ZBTB46: variants seen among roughly 807,000 people sequenced by gnomAD.
ZBTB46 encodes the protein zinc finger and BTB domain-containing protein 46.
In ZBTB46, 8 loss-of-function variants were observed where a neutral mutation model predicts 44.1. The observed-to-expected ratio is 0.18, with a 90% CI of 0.11 to 0.33. The LOEUF is 0.33. ZBTB46 is among the 10% of genes least tolerant of loss of function. ZBTB46 has a pLI of 1.00. For missense variants in ZBTB46, 651 were observed against 847.7 expected (o/e 0.77, Z 2.88); for synonymous variants, 409 against 382.3 (o/e 1.07, Z -0.81).
chr20:63,822,587 A>G (rs2092798296), intron 1 of ZBTB46, among the ~76,000 whole-genome samples: 2 of 152,216 alleles, frequency 1.3e-5, no homozygotes, highest in African/African-American at 4.8e-5. Flanking sequence ...ACATGTCCAC[A>G]GGAAGATGCA....
At chr20:63,808,609 C>T (rs1161630689) in intron 1 of ZBTB46, among the ~76,000 whole-genome samples, 1 of 152,150 alleles carries the variant, frequency 6.6e-6, no homozygotes, top group Non-Finnish European at 1.5e-5. Flanking sequence ...GGGTGGGAGG[C>T]GGACAGAGCC....
intron 1 of ZBTB46, among the ~76,000 whole-genome samples, chr20:63,808,860 C>T (rs1187519357): frequency 1.3e-5 from 2 of 151,506 alleles, no homozygotes; most frequent in African/African-American, 4.8e-5. Flanking sequence ...GCCTGCAGTC[C>T]CAGCTACTCG....
At chr20:63,781,117 G>A (rs1490065094) in intron 2 of ZBTB46, among the ~76,000 whole-genome samples, 2 of 145,778 alleles carry the variant, frequency 1.4e-5, no homozygotes, top group Admixed American at 1.4e-4. Context: ...CTCCAGCCTG[G>A]GTGGCAGAGC....
intron 1 of ZBTB46, among the ~76,000 whole-genome samples, chr20:63,800,475 C>A (rs568786148): frequency 6.6e-6 from 1 of 152,248 alleles, no homozygotes; most frequent in African/African-American, 2.4e-5. Flanking sequence ...CTTGAGGAGC[C>A]CTTCAGCCCG....
At chr20:63,768,458 G>T (rs1198728886) in intron 3 of ZBTB46, among the ~76,000 whole-genome samples, 1 of 152,150 alleles carries the variant, frequency 6.6e-6, no homozygotes, top group Non-Finnish European at 1.5e-5. Context: ...AGGCGTGGTG[G>T]TGTGCCCAAC....
chr20:63,748,555 T>C (rs1211864182), intron 4 of ZBTB46, among the ~76,000 whole-genome samples: 1 of 151,956 alleles, frequency 6.6e-6, no homozygotes, highest in Non-Finnish European at 1.5e-5. Flanking sequence ...GCACAGCCCC[T>C]GTCTCTGCCC....
intron 1 of ZBTB46, among the ~76,000 whole-genome samples, chr20:63,815,478 G>A (rs1316692241): frequency 1.3e-5 from 2 of 149,102 alleles, no homozygotes; most frequent in Admixed American, 1.3e-4. Flanking sequence ...GTGGGCATAG[G>A]TGCAGTGAGT....
intron 1 of ZBTB46, among the ~76,000 whole-genome samples, chr20:63,815,996 G>A (rs1302795527): frequency 6.6e-6 from 1 of 150,494 alleles, no homozygotes; most frequent in Non-Finnish European, 1.5e-5. Flanking sequence ...GGTGCAGTGG[G>A]CACAGGTGGG....
At chr20:63,777,027 C>T (rs2092431135) in intron 2 of ZBTB46, among the ~76,000 whole-genome samples, 1 of 146,746 alleles carries the variant, frequency 6.8e-6, no homozygotes, top group African/African-American at 2.6e-5. Flanking sequence ...GCCACGGTTC[C>T]ACCACACGCC....
intron 1 of ZBTB46, among the ~76,000 whole-genome samples, chr20:63,792,355 A>C (rs1419520142): frequency 6.6e-6 from 1 of 152,198 alleles, no homozygotes; most frequent in Non-Finnish European, 1.5e-5. Flanking sequence ...ATAGGAGAAA[A>C]CTAAGCGAGC....
intron 1 of ZBTB46, among the ~76,000 whole-genome samples, chr20:63,808,993 A>G (rs1320823710): frequency 8.2e-5 from 12 of 147,212 alleles, no homozygotes; most frequent in East Asian, 3.9e-4. Flanking sequence ...AAAAAAAAAA[A>G]AAAAAAGAAA....
At chr20:63,776,175 G>A (rs2092424409) in intron 2 of ZBTB46, among the ~76,000 whole-genome samples, 2 of 152,234 alleles carry the variant, frequency 1.3e-5, no homozygotes, top group Admixed American at 6.5e-5. Flanking sequence ...TCCCATGGCT[G>A]CGGTGGAGTC....
intron 3 of ZBTB46, among the ~76,000 whole-genome samples, chr20:63,771,239 G>A (rs2092368906): frequency 6.6e-6 from 1 of 152,166 alleles, no homozygotes; most frequent in Non-Finnish European, 1.5e-5. Context: ...GCGGCCCCCG[G>A]GGCTCAGGGG....
chr20:63,807,435 C>T (rs1417403598), intron 1 of ZBTB46, among the ~76,000 whole-genome samples: 2 of 152,210 alleles, frequency 1.3e-5, no homozygotes, highest in Admixed American at 6.5e-5. Flanking sequence ...ACTTCTACCT[C>T]CCGAGTTCGA....
chr20:63,764,607 T>G (rs2092303375), intron 3 of ZBTB46, among the ~76,000 whole-genome samples: 1 of 38,644 alleles, frequency 2.6e-5, no homozygotes, highest in Non-Finnish European at 5.6e-5. Context: ...TTTTCTCTGT[T>G]TTTTTTTTTT....
At chr20:63,830,777 G>C (rs1443321467) in intron 1 of ZBTB46, among the ~76,000 whole-genome samples, 2 of 145,464 alleles carry the variant, frequency 1.4e-5, no homozygotes, top group Non-Finnish European at 3.0e-5. Flanking sequence ...GAGGGGCCGG[G>C]GCAGCCCAGC....
chr20:63,779,388 G>A (rs1337995281), intron 2 of ZBTB46, among the ~76,000 whole-genome samples: 2 of 143,802 alleles, frequency 1.4e-5, no homozygotes, highest in Non-Finnish European at 1.5e-5. Flanking sequence ...TTACAGGTGC[G>A]TGCCACCACG....
chr20:63,772,571 T>C (rs2092383614), intron 3 of ZBTB46, among the ~76,000 whole-genome samples: 1 of 151,726 alleles, frequency 6.6e-6, no homozygotes, highest in Non-Finnish European at 1.5e-5. Context: ...ATATAAAAAT[T>C]AGTGGGGTGT....
chr20:63,771,757 G>A lies in ZBTB46; in HGVS notation c.1222+3921C>T, dbSNP rs749189424. On this transcript the variant is annotated intron_variant, in intron 3 of 4. Transcript: ENST00000245663. The stretch of plus-strand genomic sequence containing the variant: ...CAGAAGGCCTACGGCAGTGAGGGAG[G>A]ACCACAGAACTTTGGAAAATCCAAG... Among the ~76,000 whole-genome samples the A allele has an allele frequency of 1.6e-4, 25 of 152,342 alleles. No individual in the cohort carries two copies. The East Asian group carries it at 1.9e-3, about 12-fold the overall frequency.
Sources: gnomAD v4.1 joint callset for allele counts (sites outside exome capture counted in the v4.1 genomes callset) on GRCh38, gnomAD v4.1.1 for gene constraint, MANE v1.5 for transcripts, NCBI Gene and HGNC (gene_info 2026-07-23, HGNC 2026-07-21) for gene names.